The following KAZN variants were observed in gnomAD, a reference collection of about 807,000 sequenced individuals.
The protein encoded by KAZN is kazrin.
Under a neutral mutation model 87.4 loss-of-function variants are expected in KAZN, and 40 were observed. The observed-to-expected ratio is 0.46, with a 90% CI of 0.36 to 0.60. The LOEUF is 0.60. Ranked by LOEUF, KAZN falls within the 20% of genes least tolerant of loss-of-function variation. KAZN has a pLI of 0.00. For missense variants in KAZN, 898 were observed against 1,073.9 expected (o/e 0.84, Z 2.29); for synonymous variants, 466 against 458.3 (o/e 1.02, Z -0.22).
chr1:14,096,287 G>A (rs1347029617), intron 1 of KAZN, among the ~76,000 whole-genome samples: 1 of 152,178 alleles, frequency 6.6e-6, no homozygotes, highest in Admixed American at 6.5e-5. Context: ...GCAACCAGGG[G>A]TATAAAGGGT....
At position 14,769,215 on chromosome 1, in the gene KAZN, G is replaced by C. The variant is rs1425901114; in HGVS notation, c.226+169992G>C. ...AGTCCTTCACTCTGATAAGCTTGGC[G>C]TGCTAGTTTCCATGGACTTTTGCTT... On this transcript the variant is annotated intron_variant, in intron 1 of 14. Transcript: ENST00000376030. This position sits in a 1 kb window ranked among gnomAD's most constrained non-coding sequence, Gnocchi z 4.1. Among the ~76,000 whole-genome samples, 1 of 152,110 alleles carries C rather than the reference G, an allele frequency of 6.6e-6. No homozygotes were observed. The highest frequency in any genetic ancestry group is 1.5e-5 in the Non-Finnish European group (1 of 68,020).
intron 4 of KAZN, among the ~76,000 whole-genome samples, chr1:15,055,673 G>A (rs538608852): frequency 1.3e-4 from 20 of 152,092 alleles, no homozygotes; most frequent in African/African-American, 3.6e-4. Context: ...TCCACCATTC[G>A]GAACTTTAGG....
At chr1:14,918,473 C>T (rs1296828358) in intron 1 of KAZN, among the ~76,000 whole-genome samples, 4 of 151,334 alleles carry the variant, frequency 2.6e-5, no homozygotes, top group Admixed American at 1.3e-4. Flanking sequence ...GTCAGGAGTT[C>T]GAGACCAGCC....
chr1:13,958,316 A>C (rs371862019), intron 1 of KAZN, among the ~76,000 whole-genome samples: 14 of 152,302 alleles, frequency 9.2e-5, no homozygotes, highest in African/African-American at 3.4e-4. Context: ...CACGCCTGTA[A>C]TCCCAGCACT....
At chr1:14,181,580 A>G (rs987730066) in intron 2 of KAZN, among the ~76,000 whole-genome samples, 1 of 152,058 alleles carries the variant, frequency 6.6e-6, no homozygotes, top group Non-Finnish European at 1.5e-5. Context: ...AAGCCGCCCC[A>G]TGGGATTTTT....
At chr1:14,965,325 A>G (rs1016715306) in intron 2 of KAZN, among the ~76,000 whole-genome samples, 12 of 152,270 alleles carry the variant, frequency 7.9e-5, no homozygotes, top group East Asian at 1.9e-4. Context: ...CAGCTCATCA[A>G]TGGTATCATC....
At chr1:14,127,520 A>G (rs1644900572) in intron 1 of KAZN, among the ~76,000 whole-genome samples, 1 of 151,744 alleles carries the variant, frequency 6.6e-6, no homozygotes, top group Admixed American at 6.6e-5. Flanking sequence ...GGGACAGGGT[A>G]TTTCCCACTT....
intron 1 of KAZN, among the ~76,000 whole-genome samples, chr1:14,054,356 A>G (rs1642463156): frequency 6.6e-6 from 1 of 152,254 alleles, no homozygotes; most frequent in Non-Finnish European, 1.5e-5. Flanking sequence ...GCATGTGCCT[A>G]TAAGGTCTGA....
At chr1:14,662,340 A>G (rs1417412854) in intron 1 of KAZN, among the ~76,000 whole-genome samples, 1 of 152,156 alleles carries the variant, frequency 6.6e-6, no homozygotes, top group African/African-American at 2.4e-5. Context: ...ACCATAGGCC[A>G]GGGTGGTTTA....
intron 2 of KAZN, among the ~76,000 whole-genome samples, chr1:14,379,556 C>G (rs1228322608): frequency 2.0e-5 from 3 of 152,086 alleles, no homozygotes; most frequent in Non-Finnish European, 4.4e-5. Context: ...TCACCATAAG[C>G]TGACTGAAGA....
chr1:14,873,865 C>A (rs1652455747), intron 1 of KAZN, among the ~76,000 whole-genome samples: 1 of 152,106 alleles, frequency 6.6e-6, no homozygotes, highest in Non-Finnish European at 1.5e-5. Context: ...GTAGAGCCAG[C>A]AGAACTGACG....
chr1:14,138,727 C>T (rs1645165098), intron 1 of KAZN, among the ~76,000 whole-genome samples: 1 of 152,226 alleles, frequency 6.6e-6, no homozygotes, highest in South Asian at 2.1e-4. Context: ...GCCAGGTTGC[C>T]TCCCCTTTCC....
At chr1:14,840,598 A>G (rs994983206) in intron 1 of KAZN, among the ~76,000 whole-genome samples, 21 of 152,202 alleles carry the variant, frequency 1.4e-4, no homozygotes, top group African/African-American at 4.8e-4. Context: ...GAACTGTGCT[A>G]AGTAAGGGCT....
At chr1:14,478,274 A>AAGGAAGG (rs1553178148) in intron 2 of KAZN, among the ~76,000 whole-genome samples, 4,575 of 111,422 alleles carry the variant, frequency 0.041, 190 homozygotes, top group African/African-American at 0.082. Flanking sequence ...AGGAAGGAAG[A>AAGGAAGG]AAGGAAGGAA....
chr1:14,401,057 A>G (rs1008306311), intron 2 of KAZN, among the ~76,000 whole-genome samples: 2 of 152,240 alleles, frequency 1.3e-5, no homozygotes, highest in Non-Finnish European at 2.9e-5. Flanking sequence ...TGTGAACACA[A>G]TGGTCTGAGG....
chr1:14,368,467 GTC>G (rs1660195944), intron 2 of KAZN, among the ~76,000 whole-genome samples: 1 of 152,192 alleles, frequency 6.6e-6, no homozygotes, highest in East Asian at 1.9e-4. Context: ...AAGCTTCTAG[GTC>G]TCTGACCATT....
chr1:14,737,719 A>G (rs550589698), intron 1 of KAZN, among the ~76,000 whole-genome samples: 1 of 152,132 alleles, frequency 6.6e-6, no homozygotes, highest in Non-Finnish European at 1.5e-5. Flanking sequence ...GTGGTTATTG[A>G]TGGAAATCTG....
chr1:14,271,836 T>C (rs1651957289), intron 2 of KAZN, among the ~76,000 whole-genome samples: 2 of 152,212 alleles, frequency 1.3e-5, no homozygotes, highest in African/African-American at 4.8e-5. Flanking sequence ...GGCTGTGTAT[T>C]ACAGAAGAGA....
At chr1:14,413,245 C>T (rs577339737) in intron 2 of KAZN, among the ~76,000 whole-genome samples, 14 of 151,674 alleles carry the variant, frequency 9.2e-5, no homozygotes, top group East Asian at 3.9e-4. Context: ...TTTTTCCATA[C>T]GGAAAATAAT....
Sources: gnomAD v4.1 joint callset for allele counts (sites outside exome capture counted in the v4.1 genomes callset) on GRCh38, gnomAD v4.1.1 for gene constraint, Gnocchi (gnomAD v3.1) non-coding constraint, MANE v1.5 for transcripts, NCBI Gene and HGNC (gene_info 2026-07-23, HGNC 2026-07-21) for gene names.